FBXL14: variants seen among roughly 807,000 people sequenced by gnomAD.
FBXL14 encodes the protein F-box/LRR-repeat protein 14.
Under a neutral mutation model 24.5 loss-of-function variants are expected in FBXL14, and 11 were observed. The ratio of observed to expected loss-of-function variants is 0.45; its 90% CI spans 0.28 to 0.74. FBXL14 has a LOEUF of 0.74. Ranked by LOEUF, FBXL14 falls within the 30% of genes least tolerant of loss-of-function variation. FBXL14 has a pLI of 0.12. For synonymous variants in FBXL14, 294 were observed against 240.4 expected (o/e 1.22, Z -2.06); for missense variants, 384 against 545.6 (o/e 0.70, Z 2.95).
chr12:1,581,316 T>C (rs1483212168), intron 1 of FBXL14, among the ~76,000 whole-genome samples: 2 of 152,042 alleles, frequency 1.3e-5, no homozygotes, highest in Non-Finnish European at 2.9e-5. Flanking sequence ...GCTGTGTGGA[T>C]TTGCAGACTG....
rs2094461343 is a variant in FBXL14, at chr12:1,579,096, G to A, written c.1195-12286C>T. On this transcript the variant is annotated intron_variant, in intron 1 of 1. Coordinates refer to ENST00000339235, the MANE Select transcript of FBXL14 (RefSeq NM_152441.3). This position sits in a 1 kb window ranked among gnomAD's most constrained non-coding sequence, Gnocchi z 4.3. ...TTGCTTTCTTTAGGGAAACGACATG[G>A]TCTCCTCCTGTAACACTCCCCAAAA... 6.6e-6 allele frequency among the ~76,000 whole-genome samples: 1 copy of A among 151,970 alleles called. No homozygotes were observed. The highest frequency in any genetic ancestry group is 1.5e-5 in the Non-Finnish European group (1 of 67,986).
intron 1 of FBXL14, among the ~76,000 whole-genome samples, chr12:1,572,015 C>G (rs1398830215): frequency 1.3e-5 from 2 of 152,104 alleles, no homozygotes; most frequent in Non-Finnish European, 2.9e-5. Flanking sequence ...AAATTCCCAC[C>G]AAGGGAATTA....
chr12:1,586,283 CA>C (rs2094476326), intron 1 of FBXL14, among the ~76,000 whole-genome samples: 1 of 151,020 alleles, frequency 6.6e-6, no homozygotes, highest in South Asian at 2.1e-4. Flanking sequence ...CCCTTGAGCC[CA>C]GAAGTCCGAG....
At chr12:1,586,835 G>A (rs1261697825) in intron 1 of FBXL14, among the ~76,000 whole-genome samples, 1 of 152,162 alleles carries the variant, frequency 6.6e-6, no homozygotes, top group Non-Finnish European at 1.5e-5. Flanking sequence ...CTGCGCCACG[G>A]CTGCAGACCC....
rs1304412760 is a variant in FBXL14 at position 1,579,608 on chromosome 12, AT to A, written c.1195-12799del. On this transcript the variant is annotated intron_variant, in intron 1 of 1. Transcript: ENST00000339235. This position sits in a 1 kb window ranked among gnomAD's most constrained non-coding sequence, Gnocchi z 4.3. ...AGTCTCGGTGATAGGGTGAGACTCC[AT>A]TTAAAAAAAAAAAAAAATGTAGTTA... Among the ~76,000 whole-genome samples, 174 of 147,510 alleles carry A rather than the reference AT, an allele frequency of 1.2e-3. No homozygotes were observed. The highest frequency in any genetic ancestry group is 4.5e-3 in the African/African-American group (171 of 37,652).
At position 1,566,573 on chromosome 12, in the gene FBXL14, C is replaced by G; in HGVS notation, c.*175G>C. Reference sequence around the variant, plus strand: ...CCACTGTCCCCAGAACTGGAGAAACCGGCAGGAGAATGCAGCTTCACAAGG... The same window carrying G: ...CCACTGTCCCCAGAACTGGAGAAACGGGCAGGAGAATGCAGCTTCACAAGG... On this transcript the variant is annotated 3_prime_UTR_variant, in exon 2 of 2. Coordinates refer to ENST00000339235, the MANE Select transcript of FBXL14 (RefSeq NM_152441.3). 1.7e-6 allele frequency: 1 copy of G among 587,232 alleles called. No individual in the cohort carries two copies. Among genetic ancestry groups the G allele is most frequent in the Non-Finnish European group, 3.1e-6 (1 of 327,180 alleles). The allele number at this position is 587,232 out of a possible 1,614,324, so 36.4% of individuals were successfully genotyped here.
At chr12:1,571,202 TTG>T (rs77277955) in intron 1 of FBXL14, among the ~76,000 whole-genome samples, 42,318 of 151,482 alleles carry the variant, frequency 0.28, 6,332 homozygotes, top group South Asian at 0.44. Flanking sequence ...GGGGTTTTTT[TTG>T]TTTGTTTGTT....
rs931431050 is a variant in FBXL14, at chr12:1,592,941, G to A, written c.1126C>T (p.Arg376Cys). The A allele has an allele frequency of 2.5e-6, 4 of 1,612,292 alleles. No homozygotes were observed. Among genetic ancestry groups the A allele is most frequent in the Admixed American group, 3.3e-5 (2 of 59,948 alleles). Residue 376 changes from arginine to cysteine, a missense_variant, in exon 1 of 2, where the codon CGC (arginine) becomes TGC (cysteine). By Grantham distance (180) the Arg-to-Cys change is radical. Coordinates refer to ENST00000339235, the MANE Select transcript of FBXL14 (RefSeq NM_152441.3). ...CTRITKRGLE[R>C]ITQLPCLKVL... The stretch of plus-strand genomic sequence containing the variant: ...TTGAGGCACGGCAGCTGCGTGATGC[G>A]CTCCAGGCCGCGCTTGGTGATTCGG...
intron 1 of FBXL14, among the ~76,000 whole-genome samples, chr12:1,584,311 G>A (rs1378274128): frequency 6.6e-6 from 1 of 152,196 alleles, no homozygotes; most frequent in Non-Finnish European, 1.5e-5. Flanking sequence ...TGATCACACC[G>A]CTGCACTTCA....
chr12:1,574,687 C>G (rs545936332), intron 1 of FBXL14: 30 of 173,304 alleles, frequency 1.7e-4, no homozygotes, highest in African/African-American at 7.0e-4. Flanking sequence ...GTTCAAGAAC[C>G]TCAGGAAGCT....
At position 1,593,755 on chromosome 12, in the gene FBXL14, G is replaced by C. The variant is rs1197398360; in HGVS notation, c.312C>G (p.Thr104=). 2 of 1,614,166 alleles carry C rather than the reference G, an allele frequency of 1.2e-6. No homozygotes were observed. The highest frequency in any genetic ancestry group is 1.7e-6 in the Non-Finnish European group (2 of 1,180,032). ...SLNLSGCYNL[T]DNGLGHAFVQ... is the part of the protein sequence containing the mutation. Reference sequence around the variant, plus strand: ...CAAACGCGTGGCCCAGCCCGTTGTCGGTGAGGTTGTAGCAGCCGCTGAGGT... The same window carrying C: ...CAAACGCGTGGCCCAGCCCGTTGTCCGTGAGGTTGTAGCAGCCGCTGAGGT... Residue 104 remains threonine, a synonymous_variant, in exon 1 of 2, where the codon ACC becomes ACG. Transcript: ENST00000339235. The surrounding 1 kb of genome is among the most constrained non-coding windows in gnomAD (Gnocchi z 7.4).
chr12:1,580,979 A>C (rs2094465109), intron 1 of FBXL14, among the ~76,000 whole-genome samples: 1 of 152,122 alleles, frequency 6.6e-6, no homozygotes, highest in African/African-American at 2.4e-5. Context: ...TGAAGTATCA[A>C]GCGGAAGGCA....
intron 1 of FBXL14, among the ~76,000 whole-genome samples, chr12:1,571,195 G>T (rs956611110): frequency 2.0e-4 from 27 of 136,150 alleles, no homozygotes; most frequent in African/African-American, 5.8e-4. Flanking sequence ...TTCTGGTGGG[G>T]TTTTTTTTGT....
At position 1,591,349 on chromosome 12, in the gene FBXL14, T is replaced by TTG. The variant is rs1555152076; in HGVS notation, c.1194+1523_1194+1524insCA. ...TAATTCGCAGATACAAGGCTGTTGT[T>TTG]TTTTTTTTTTTTTTCAAAAACATAC... On this transcript the variant is annotated intron_variant, in intron 1 of 1. Transcript: ENST00000339235. 3.4e-5 allele frequency among the ~76,000 whole-genome samples: 5 copies of TTG among 145,490 alleles called. 1 individual carries two copies. The South Asian group carries it at 1.2e-3, about 34-fold the overall frequency.
At chr12:1,583,123 TA>T (rs988259352) in intron 1 of FBXL14, among the ~76,000 whole-genome samples, 11 of 147,454 alleles carry the variant, frequency 7.5e-5, no homozygotes, top group Admixed American at 3.3e-4. Flanking sequence ...TAATAAAAAT[TA>T]AAAAAAATTA....
intron 1 of FBXL14, among the ~76,000 whole-genome samples, chr12:1,582,024 G>A (rs2094467332): frequency 6.6e-6 from 1 of 152,172 alleles, no homozygotes; most frequent in Non-Finnish European, 1.5e-5. Flanking sequence ...TACTCAGGAG[G>A]CTGAGGCAGG....
chr12:1,575,315 A>AAATCTATCTCTATCAATGT (rs2094453720), intron 1 of FBXL14, among the ~76,000 whole-genome samples: 1 of 152,264 alleles, frequency 6.6e-6, no homozygotes, highest in Non-Finnish European at 1.5e-5. Flanking sequence ...GTGTCTGTCT[A>AAATCTATCTCTATCAATGT]AATCTATCTC....
chr12:1,578,743 A>G (rs1319098441), intron 1 of FBXL14, among the ~76,000 whole-genome samples: 1 of 152,122 alleles, frequency 6.6e-6, no homozygotes, highest in Middle Eastern at 3.2e-3. Flanking sequence ...ATAAGCAAAG[A>G]ACTAAGCAGG....
chr12:1,590,749 C>T lies in FBXL14; in HGVS notation c.1194+2124G>A, dbSNP rs1393433316. 4.6e-5 allele frequency among the ~76,000 whole-genome samples: 7 copies of T among 152,176 alleles called. No individual in the cohort carries two copies. The South Asian group carries it at 1.4e-3, about 31-fold the overall frequency. ...AGGAAAGTGCTTCCTTACAGCCGGG[C>T]CTGGAGGGGAATGTGAAAAAGAGGG... On this transcript the variant is annotated intron_variant, in intron 1 of 1. Coordinates refer to ENST00000339235, the MANE Select transcript of FBXL14 (RefSeq NM_152441.3).
Sources: allele counts gnomAD v4.1 joint callset (sites outside exome capture counted in the v4.1 genomes callset), GRCh38; gene constraint gnomAD v4.1.1; non-coding constraint Gnocchi (gnomAD v3.1); transcripts MANE v1.5; gene names NCBI Gene and HGNC (gene_info 2026-07-23, HGNC 2026-07-21).